Variants in DENND5B observed in about 807,000 individuals in gnomAD.
The protein encoded by DENND5B is DENN domain containing 5B, also known as DENN domain-containing protein 5B.
Under a neutral mutation model 140.6 loss-of-function variants are expected in DENND5B, and 34 were observed. The observed-to-expected ratio is 0.24, with a 90% CI of 0.18 to 0.32. The LOEUF (loss-of-function observed/expected upper bound fraction) is 0.32. Ranked by LOEUF, DENND5B falls within the 10% of genes least tolerant of loss-of-function variation. DENND5B has a pLI of 1.00. For missense variants in DENND5B, 1,142 were observed against 1,560.2 expected (o/e 0.73, Z 4.52); for synonymous variants, 551 against 562.1 (o/e 0.98, Z 0.28).
chr12:31,417,634 G>T (rs1324503119), intron 11 of DENND5B, among the ~76,000 whole-genome samples: 1 of 152,086 alleles, frequency 6.6e-6, no homozygotes, highest in Non-Finnish European at 1.5e-5. Context: ...TAGAGACGGG[G>T]TTTTGTCTCT....
At chr12:31,576,586 C>T (rs982240123) in intron 1 of DENND5B, among the ~76,000 whole-genome samples, 3 of 152,058 alleles carry the variant, frequency 2.0e-5, no homozygotes, top group Non-Finnish European at 2.9e-5. Context: ...ACAGACATTT[C>T]CAAGAGTTTT....
chr12:31,500,480 G>C, intron 1 of DENND5B: 1 of 427,702 alleles, frequency 2.3e-6, no homozygotes, highest in South Asian at 1.7e-5. Flanking sequence ...AGGAGTTCGA[G>C]ACCAGCCTGA....
chr12:31,494,185 C>T (rs1677212), intron 2 of DENND5B, among the ~76,000 whole-genome samples: 14,017 of 64,250 alleles, frequency 0.22, 899 homozygotes, highest in Middle Eastern at 0.29. Flanking sequence ...TCTATCTATC[C>T]ATCCATCCAT....
At position 31,524,604 on chromosome 12, in the gene DENND5B, G is replaced by C. The variant is rs548387184; in HGVS notation, c.128-28685C>G. Among the ~76,000 whole-genome samples the C allele has an allele frequency of 9.2e-5, 14 of 152,110 alleles. No individual in the cohort carries two copies. The East Asian group carries it at 2.7e-3, about 29-fold the overall frequency. On this transcript the variant is annotated intron_variant, in intron 1 of 20. Transcript: ENST00000389082. Reference sequence around the variant, plus strand: ...GAAGGCAGGGGTTGCAGTGACCTGAGACTGCACCATTGCACTCCAGCCTCG... The same window carrying C: ...GAAGGCAGGGGTTGCAGTGACCTGACACTGCACCATTGCACTCCAGCCTCG...
chr12:31,465,592 C>T (rs1175038295), intron 3 of DENND5B: 1 of 152,338 alleles, frequency 6.6e-6, no homozygotes, highest in Non-Finnish European at 1.5e-5. Flanking sequence ...GTCTCAAACT[C>T]CCGACCTCAA....
intron 11 of DENND5B, among the ~76,000 whole-genome samples, chr12:31,418,652 T>C (rs1299196335): frequency 6.6e-6 from 1 of 152,062 alleles, no homozygotes; most frequent in Non-Finnish European, 1.5e-5. Context: ...ACACTCCAGA[T>C]GATTAGACAG....
intron 1 of DENND5B, among the ~76,000 whole-genome samples, chr12:31,586,641 T>C (rs977435222): frequency 6.6e-6 from 1 of 152,230 alleles, no homozygotes; most frequent in Non-Finnish European, 1.5e-5. Flanking sequence ...TAAGTTTTAT[T>C]ATAAGGTCTT....
intron 14 of DENND5B, among the ~76,000 whole-genome samples, chr12:31,406,250 A>AC (rs1031990871): frequency 1.1e-4 from 16 of 152,264 alleles, no homozygotes; most frequent in Admixed American, 3.3e-4. Context: ...TGAAAGATCT[A>AC]CAAGTAGGAT....
In DENND5B at chr12:31,428,862, G is replaced by C. The variant is rs1043445622; in HGVS notation, c.2107-2438C>G. The stretch of plus-strand genomic sequence containing the variant: ...TTCTCCTGCCTCAGCCTCCCAAGTA[G>C]CTGGGACTACAGGCGTCTGCCACCA... On this transcript the variant is annotated intron_variant, in intron 8 of 20. Transcript: ENST00000389082. Among the ~76,000 whole-genome samples, 3 of 152,192 alleles carry C rather than the reference G, an allele frequency of 2.0e-5. 1 individual carries two copies. The highest frequency in any genetic ancestry group is 7.2e-5 in the African/African-American group (3 of 41,436).
chr12:31,407,217 G>GCCTCCCGGGT (rs1942176151), intron 14 of DENND5B, among the ~76,000 whole-genome samples: 2 of 151,922 alleles, frequency 1.3e-5, no homozygotes, highest in South Asian at 4.2e-4. Context: ...TGCAACCTCC[G>GCCTCCCGGGT]CCTCCCGGGT....
chr12:31,588,654 A>G (rs1950489201), intron 1 of DENND5B, among the ~76,000 whole-genome samples: 1 of 152,242 alleles, frequency 6.6e-6, no homozygotes, highest in South Asian at 2.1e-4. Context: ...TTATTATAAG[A>G]GACTTCAGCA....
In DENND5B at chr12:31,557,883, G is replaced by A. The variant is rs957631783; in HGVS notation, c.127+32823C>T. Among the ~76,000 whole-genome samples the A allele has an allele frequency of 2.0e-5, 3 of 149,340 alleles. No homozygotes were observed. The South Asian group carries it at 6.4e-4, about 32-fold the overall frequency. On this transcript the variant is annotated intron_variant, in intron 1 of 20. Transcript: ENST00000389082. Reference sequence around the variant, plus strand: ...TTTAGCCACATCAAAACCAATGCAGGCAAGAAGCTGCTCTGAAGTCTCCCA... The same window carrying A: ...TTTAGCCACATCAAAACCAATGCAGACAAGAAGCTGCTCTGAAGTCTCCCA...
At chr12:31,466,160 C>T (rs987232865) in intron 3 of DENND5B, among the ~76,000 whole-genome samples, 1 of 151,980 alleles carries the variant, frequency 6.6e-6, no homozygotes, top group Non-Finnish European at 1.5e-5. Flanking sequence ...CGAGACCATC[C>T]TGGCCAACAT....
At chr12:31,464,389 CTTA>C (rs1565605455) in intron 3 of DENND5B, among the ~76,000 whole-genome samples, 2 of 152,266 alleles carry the variant, frequency 1.3e-5, no homozygotes, top group African/African-American at 4.8e-5. Flanking sequence ...CCTAACACTT[CTTA>C]TTATCACCAG....
Position 31,513,665 on chromosome 12 carries a change from C to CT in DENND5B, c.128-17747dup, listed in dbSNP as rs1447328823. ...CTATGTGTTGTGTGGCTTCTTTGTT[C>CT]TGTTTTGGGTTTTTGAGCACTTCCT... On this transcript the variant is annotated intron_variant, in intron 1 of 20. Coordinates refer to ENST00000389082, the MANE Select transcript of DENND5B (RefSeq NM_144973.4). Among the ~76,000 whole-genome samples the CT allele has an allele frequency of 4.6e-5, 7 of 152,098 alleles. No individual in the cohort carries two copies. The East Asian group carries it at 1.4e-3, about 29-fold the overall frequency.
intron 14 of DENND5B, among the ~76,000 whole-genome samples, chr12:31,403,092 T>C (rs1262118845): frequency 6.6e-6 from 1 of 152,216 alleles, no homozygotes; most frequent in East Asian, 1.9e-4. Context: ...TCTTGGACAG[T>C]ATTGAGTTTC....
chr12:31,445,909 T>C (rs1169441556), intron 6 of DENND5B, among the ~76,000 whole-genome samples: 1 of 150,754 alleles, frequency 6.6e-6, no homozygotes, highest in African/African-American at 2.4e-5. Context: ...CCCAGGAGGC[T>C]GTGGTAGGAA....
chr12:31,439,929 C>CAAAAAAAAAA (rs67272470), intron 7 of DENND5B, among the ~76,000 whole-genome samples: 1 of 52,296 alleles, frequency 1.9e-5, no homozygotes, highest in Non-Finnish European at 3.1e-5. Context: ...GACTCCGTCT[C>CAAAAAAAAAA]AAAAAAAAAA....
chr12:31,476,247 C>G (rs1183515741), intron 3 of DENND5B, among the ~76,000 whole-genome samples: 2 of 150,718 alleles, frequency 1.3e-5, no homozygotes. Flanking sequence ...ATTAGGTTCT[C>G]AACTCTGGAA....
Sources: gnomAD v4.1 joint callset for allele counts (sites outside exome capture counted in the v4.1 genomes callset) on GRCh38, gnomAD v4.1.1 for gene constraint, MANE v1.5 for transcripts, NCBI Gene and HGNC (gene_info 2026-07-23, HGNC 2026-07-21) for gene names.